CD200R1: variants seen among roughly 807,000 people sequenced by gnomAD.
The protein encoded by CD200R1 is cell surface glycoprotein CD200 receptor 1.
A neutral mutation model predicts 38.1 loss-of-function variants in CD200R1; 30 were observed. The observed-to-expected ratio is 0.79, with a 90% CI of 0.59 to 1.07. The LOEUF (loss-of-function observed/expected upper bound fraction) is 1.07, where lower values mean the gene tolerates loss of function less well. CD200R1 is among the 50% of genes least tolerant of loss of function. The pLI is 0.00. For synonymous variants in CD200R1, 128 were observed against 152.1 expected (o/e 0.84, Z 1.16); for missense variants, 372 against 415.4 (o/e 0.90, Z 0.91).
At chr3:112,935,148 G>A (rs1371280794) in intron 2 of CD200R1, among the ~76,000 whole-genome samples, 1 of 151,982 alleles carries the variant, frequency 6.6e-6, no homozygotes, top group Non-Finnish European at 1.5e-5. Flanking sequence ...TAATAGGTGG[G>A]GACTTCAACA....
intron 1 of CD200R1, among the ~76,000 whole-genome samples, chr3:112,952,781 TATA>T (rs1003992240): frequency 2.6e-5 from 4 of 151,792 alleles, no homozygotes; most frequent in African/African-American, 7.3e-5. Flanking sequence ...AAACTTAAAG[TATA>T]ATAATAATAA....
intron 1 of CD200R1, among the ~76,000 whole-genome samples, chr3:112,961,621 A>G (rs373479195): frequency 2.6e-4 from 39 of 152,236 alleles, no homozygotes; most frequent in African/African-American, 8.4e-4. Context: ...GATATAAAAC[A>G]TGGAAACCAT....
At chr3:112,958,331 A>G (rs182299764) in intron 1 of CD200R1, among the ~76,000 whole-genome samples, 70 of 152,324 alleles carry the variant, frequency 4.6e-4, no homozygotes, top group African/African-American at 1.6e-3. Context: ...CAACATTGAC[A>G]AATCTCAGAA....
intron 1 of CD200R1, among the ~76,000 whole-genome samples, chr3:112,960,023 T>TA (rs573810989): frequency 2.1e-4 from 32 of 152,222 alleles, no homozygotes; most frequent in African/African-American, 7.5e-4. Context: ...ACTGAAGCTT[T>TA]AAGCCCACTG....
At chr3:112,964,739 T>C (rs1258993700) in intron 1 of CD200R1, among the ~76,000 whole-genome samples, 1 of 152,202 alleles carries the variant, frequency 6.6e-6, no homozygotes, top group Non-Finnish European at 1.5e-5. Context: ...TTTGGGGAAC[T>C]GTTGGGAAGG....
chr3:112,955,039 G>C (rs994233971), intron 1 of CD200R1, among the ~76,000 whole-genome samples: 1 of 152,046 alleles, frequency 6.6e-6, no homozygotes, highest in African/African-American at 2.4e-5. Flanking sequence ...TTGGTGTGTA[G>C]AAAAAAACAG....
intron 1 of CD200R1, among the ~76,000 whole-genome samples, chr3:112,953,759 G>A (rs1395072435): frequency 6.6e-6 from 1 of 152,040 alleles, no homozygotes; most frequent in East Asian, 1.9e-4. Flanking sequence ...AGTCTCTTGT[G>A]ATCCTTTGTG....
At chr3:112,960,100 C>T (rs1045342754) in intron 1 of CD200R1, among the ~76,000 whole-genome samples, 1 of 152,026 alleles carries the variant, frequency 6.6e-6, no homozygotes, top group African/African-American at 2.4e-5. Context: ...AACTTTGTAA[C>T]TGAGATCTTA....
intron 1 of CD200R1, among the ~76,000 whole-genome samples, chr3:112,959,682 G>A (rs1473129644): frequency 6.6e-6 from 1 of 152,052 alleles, no homozygotes; most frequent in African/African-American, 2.4e-5. Context: ...CATTTGGTGA[G>A]TCAAGCTTTT....
At chr3:112,969,039 A>G (rs1333884676) in intron 1 of CD200R1, among the ~76,000 whole-genome samples, 1 of 152,260 alleles carries the variant, frequency 6.6e-6, no homozygotes, top group Non-Finnish European at 1.5e-5. Flanking sequence ...TCTTACAGCA[A>G]CATTCAGCTA....
intron 2 of CD200R1, among the ~76,000 whole-genome samples, chr3:112,945,938 CAGA>C (rs761642227): frequency 4.8e-5 from 7 of 144,534 alleles, no homozygotes; most frequent in African/African-American, 7.8e-5. Context: ...GAGGCTGAGG[CAGA>C]AGAATGGCGT....
At chr3:112,954,211 A>G (rs972979011) in intron 1 of CD200R1, among the ~76,000 whole-genome samples, 1 of 151,856 alleles carries the variant, frequency 6.6e-6, no homozygotes, top group African/African-American at 2.4e-5. Context: ...ATGTTGTTTA[A>G]TTTCCATGTA....
At chr3:112,957,080 T>C (rs1941114511) in intron 1 of CD200R1, among the ~76,000 whole-genome samples, 1 of 151,950 alleles carries the variant, frequency 6.6e-6, no homozygotes, top group African/African-American at 2.4e-5. Flanking sequence ...TCTATGTTTA[T>C]TTCCCCTCTT....
intron 1 of CD200R1, among the ~76,000 whole-genome samples, chr3:112,971,753 AT>A (rs1219933883): frequency 6.6e-6 from 1 of 152,038 alleles, no homozygotes. Context: ...ATCCAGCCTT[AT>A]TTCCTACTAT....
At chr3:112,963,532 G>T (rs112668387) in intron 1 of CD200R1, among the ~76,000 whole-genome samples, 4,004 of 152,290 alleles carry the variant, frequency 0.026, 82 homozygotes, top group Admixed American at 0.046. Flanking sequence ...TTTTGCTCCT[G>T]CCCTAGAGAT....
At position 112,929,449 on chromosome 3, in the gene CD200R1, G is replaced by A. The variant is rs560630785; in HGVS notation, c.261C>T (p.Ile87=). ...ATNAVLCCPP[I]ALRNLIIITW... ...TTATTATGATCAAATTTCTTAATGCGATAGGAGGGCAACAAAGCACAGCAT... is the reference window on the plus strand; with the variant it reads ...TTATTATGATCAAATTTCTTAATGCAATAGGAGGGCAACAAAGCACAGCAT... Residue 87 remains isoleucine (I), a synonymous_variant, in exon 4 of 8, where the codon ATC becomes ATT. Coordinates refer to ENST00000308611, the MANE Select transcript of CD200R1 (RefSeq NM_138806.4). The A allele has an allele frequency of 3.8e-5, 61 of 1,613,792 alleles. No homozygotes were observed. The highest frequency in any genetic ancestry group is 3.3e-4 in the African/African-American group (25 of 74,988).
chr3:112,934,195 C>T (rs1326995740), intron 2 of CD200R1, among the ~76,000 whole-genome samples: 1 of 151,868 alleles, frequency 6.6e-6, no homozygotes, highest in African/African-American at 2.4e-5. Context: ...GTCAAATTAT[C>T]AAAAGGCAAA....
intron 1 of CD200R1, among the ~76,000 whole-genome samples, chr3:112,958,297 G>A (rs1005050737): frequency 3.9e-5 from 6 of 152,194 alleles, no homozygotes; most frequent in South Asian, 2.1e-4. Flanking sequence ...AAAGGAATAC[G>A]ACTCAATAGC....
Position 112,974,965 on chromosome 3 carries a change from AT to A in CD200R1, c.-109del. ...TCTCTGGTCAACTTCTCAGTACAGG[AT>A]CCTCTTACCCCATCAACAGTGGGGC... On this transcript the variant is annotated 5_prime_UTR_variant, in exon 1 of 8. Coordinates refer to ENST00000308611, the MANE Select transcript of CD200R1 (RefSeq NM_138806.4). 4.8e-6 allele frequency: 4 copies of A among 834,262 alleles called. No homozygotes were observed. The highest frequency in any genetic ancestry group is 4.3e-5 in the South Asian group (3 of 69,818). The allele number at this position is 834,262 out of a possible 1,614,324, so 51.7% of individuals were successfully genotyped here. A position where few individuals can be genotyped will look rare whatever the true frequency, so the allele number is the denominator to read the frequency against.
Sources: allele counts gnomAD v4.1 joint callset (sites outside exome capture counted in the v4.1 genomes callset), GRCh38; gene constraint gnomAD v4.1.1; transcripts MANE v1.5; gene names NCBI Gene and HGNC (gene_info 2026-07-23, HGNC 2026-07-21).